Variants in GLRA2 observed in about 807,000 individuals in gnomAD.
The protein encoded by GLRA2 is glycine receptor subunit alpha-2.
In GLRA2, 11 loss-of-function variants were observed where a neutral mutation model predicts 31.6. That is an observed-to-expected ratio of 0.35 (90% CI 0.22 to 0.58). The LOEUF (loss-of-function observed/expected upper bound fraction) is 0.58, where lower values mean the gene tolerates loss of function less well. Among genes scored for constraint, GLRA2 ranks in the 20% least tolerant of loss-of-function variants. The probability of loss-of-function intolerance (pLI) is 0.84; values close to 1 mark genes in which losing one functional copy is unlikely to be tolerated. For synonymous variants in GLRA2, 132 were observed against 134.0 expected, an observed-to-expected ratio of 0.99 and a Z score of 0.10; for missense variants, 212 against 351.8, an observed-to-expected ratio of 0.60 and a Z score of 3.18.
At chrX:14,645,095 T>C (rs1167016814) in intron 7 of GLRA2, among the ~76,000 whole-genome samples, 2 of 111,720 alleles carry the variant, frequency 1.8e-5, no homozygotes, top group African/African-American at 6.5e-5. Flanking sequence ...TAATGAGAAA[T>C]GTTGGTTTTA....
At chrX:14,498,728 C>A in the GLRA2 span, among the ~76,000 whole-genome samples, 1 of 111,073 alleles carries the variant, frequency 9.0e-6, no homozygotes, top group South Asian at 3.8e-4. Context: ...CAAACTGTAT[C>A]TTTATACTCA....
At chrX:14,532,074 C>T (rs971330757) in intron 1 of GLRA2, among the ~76,000 whole-genome samples, 165 bp from the exon 2 acceptor site, 3 of 112,170 alleles carry the variant, frequency 2.7e-5, no homozygotes, top group African/African-American at 9.7e-5. Flanking sequence ...AACTTTAGAA[C>T]ATGTACAAGT....
intron 4 of GLRA2, among the ~76,000 whole-genome samples, chrX:14,601,321 G>C (rs1372302993): frequency 9.0e-6 from 1 of 111,503 alleles, no homozygotes; most frequent in Non-Finnish European, 1.9e-5. Flanking sequence ...CAATGAATGT[G>C]AAATGCTGTA....
intron 7 of GLRA2, among the ~76,000 whole-genome samples, chrX:14,638,610 G>A (rs1225438973): frequency 9.0e-6 from 1 of 110,568 alleles, no homozygotes; most frequent in Non-Finnish European, 1.9e-5. Flanking sequence ...TTTATGTTTG[G>A]TATCAACTTC....
the GLRA2 span, among the ~76,000 whole-genome samples, chrX:14,455,745 T>C: frequency 8.9e-6 from 1 of 112,097 alleles, no homozygotes; most frequent in Admixed American, 9.5e-5. Context: ...TGAATTTGTG[T>C]TTAATTTTAG....
chrX:14,454,471 T>C, the GLRA2 span, among the ~76,000 whole-genome samples: 1 of 111,081 alleles, frequency 9.0e-6, no homozygotes. Context: ...AATAATAATG[T>C]TTGGATTGTA....
At chrX:14,577,632 C>T (rs1439576384) in intron 3 of GLRA2, among the ~76,000 whole-genome samples, 5 of 111,882 alleles carry the variant, frequency 4.5e-5, no homozygotes, top group Non-Finnish European at 9.4e-5. Flanking sequence ...CTGGTATTCT[C>T]GCATGGTAGA....
the GLRA2 span, among the ~76,000 whole-genome samples, chrX:14,505,486 G>A: frequency 9.0e-6 from 1 of 111,367 alleles, no homozygotes; most frequent in Non-Finnish European, 1.9e-5. Flanking sequence ...GTAAGAGGAG[G>A]CCTATTCTAA....
At chrX:14,531,315 C>T (rs186022813) in intron 1 of GLRA2, 1 of 281,360 alleles carries the variant, frequency 3.6e-6, no homozygotes, top group Admixed American at 4.9e-5. Context: ...ATTCATAAGA[C>T]ACTATTTGTT....
the GLRA2 span, among the ~76,000 whole-genome samples, chrX:14,508,275 A>G: frequency 8.9e-6 from 1 of 112,570 alleles, no homozygotes; most frequent in South Asian, 3.7e-4. Context: ...GTCAGGGGAT[A>G]ATTAAAAGTC....
chrX:14,688,503 G>A (rs752223004), intron 7 of GLRA2, among the ~76,000 whole-genome samples: 6 of 111,314 alleles, frequency 5.4e-5, no homozygotes, highest in African/African-American at 2.0e-4. Flanking sequence ...AGCAATGACA[G>A]GCGCCCATTC....
At chrX:14,594,174 A>G (rs1264503482) in intron 4 of GLRA2, among the ~76,000 whole-genome samples, 1 of 111,738 alleles carries the variant, frequency 8.9e-6, no homozygotes, top group Admixed American at 9.5e-5. Flanking sequence ...TTTTGCCCTC[A>G]GTTGTCAACA....
chrX:14,662,528 C>A (rs1320672016), intron 7 of GLRA2, among the ~76,000 whole-genome samples: 1 of 111,742 alleles, frequency 8.9e-6, no homozygotes, highest in Non-Finnish European at 1.9e-5. Context: ...AGGCTCCAAA[C>A]AAAATATATA....
the GLRA2 span, among the ~76,000 whole-genome samples, chrX:14,481,883 C>T: frequency 2.1e-3 from 233 of 110,318 alleles, no homozygotes; most frequent in African/African-American, 7.3e-3. Context: ...TATTTTAGCC[C>T]ACTTTAACAT....
intron 5 of GLRA2, among the ~76,000 whole-genome samples, chrX:14,605,250 GA>G (rs1324864581): frequency 9.0e-6 from 1 of 111,550 alleles, no homozygotes; most frequent in African/African-American, 3.3e-5. Context: ...TCTTGGTTTA[GA>G]AAAAGAATAT....
chrX:14,683,184 C>T (rs755612589), intron 7 of GLRA2, among the ~76,000 whole-genome samples: 23 of 111,802 alleles, frequency 2.1e-4, no homozygotes, highest in African/African-American at 7.5e-4. Flanking sequence ...AAAAGTGTTC[C>T]TATTTCTCCA....
chrX:14,685,045 A>G (rs1019513270), intron 7 of GLRA2, among the ~76,000 whole-genome samples: 3 of 111,638 alleles, frequency 2.7e-5, no homozygotes, highest in Non-Finnish European at 3.8e-5. Flanking sequence ...AATTTTGTCA[A>G]AGGCCTTTTC....
At chrX:14,493,749 G>A in the GLRA2 span, among the ~76,000 whole-genome samples, 1 of 92,171 alleles carries the variant, frequency 1.1e-5, no homozygotes, top group African/African-American at 5.0e-5. Flanking sequence ...ATATATACGT[G>A]TATATGTATA....
At chrX:14,700,350 G>A (rs1312275822) in intron 8 of GLRA2, among the ~76,000 whole-genome samples, 1 of 110,475 alleles carries the variant, frequency 9.1e-6, no homozygotes, top group African/African-American at 3.3e-5. Context: ...GAATGGAAGG[G>A]GAAGGCAGTG....
Sources: allele counts gnomAD v4.1 joint callset (sites outside exome capture counted in the v4.1 genomes callset), GRCh38; gene constraint gnomAD v4.1.1; transcripts MANE v1.5; gene names NCBI Gene and HGNC (gene_info 2026-07-23, HGNC 2026-07-21).